NXPH1: variants seen among roughly 807,000 people sequenced by gnomAD.
The protein encoded by NXPH1 is neurexophilin-1.
Under a neutral mutation model 23.7 loss-of-function variants are expected in NXPH1, and 5 were observed. That is an observed-to-expected ratio of 0.21 (90% confidence interval 0.11 to 0.44). The LOEUF (loss-of-function observed/expected upper bound fraction) is 0.44. Ranked by LOEUF, NXPH1 falls within the 20% of genes least tolerant of loss-of-function variation. The pLI is 0.99. For synonymous variants in NXPH1, 144 were observed against 122.2 expected (o/e 1.18, Z -1.18); for missense variants, 324 against 321.6 (o/e 1.01, Z -0.06).
At chr7:8,474,050 A>G (rs914593017) in intron 2 of NXPH1, among the ~76,000 whole-genome samples, 5 of 152,150 alleles carry the variant, frequency 3.3e-5, no homozygotes, top group African/African-American at 9.7e-5. Flanking sequence ...CTCTGAATCA[A>G]AAAGCCAGTT....
At chr7:8,461,959 A>T (rs915687446) in intron 2 of NXPH1, among the ~76,000 whole-genome samples, 1 of 152,126 alleles carries the variant, frequency 6.6e-6, no homozygotes, top group Admixed American at 6.5e-5. Flanking sequence ...GTAGTATATT[A>T]TTTTTATATT....
At chr7:8,654,559 C>A (rs1820543195) in intron 2 of NXPH1, among the ~76,000 whole-genome samples, 1 of 152,166 alleles carries the variant, frequency 6.6e-6, no homozygotes, top group Non-Finnish European at 1.5e-5. Context: ...CCATCCCCAG[C>A]AGTTGGTAGA....
chr7:8,732,538 G>C (rs958466404), intron 2 of NXPH1, among the ~76,000 whole-genome samples: 3 of 152,142 alleles, frequency 2.0e-5, no homozygotes, highest in African/African-American at 4.8e-5. Context: ...TTCCTGAAAG[G>C]CATCTGTATT....
chr7:8,635,739 G>T (rs558866939), intron 2 of NXPH1, among the ~76,000 whole-genome samples: 7 of 152,128 alleles, frequency 4.6e-5, no homozygotes, highest in Non-Finnish European at 1.0e-4. Flanking sequence ...TTGTTTCTTG[G>T]AAGCATTTAC....
intron 2 of NXPH1, among the ~76,000 whole-genome samples, chr7:8,467,939 T>G (rs918435622): frequency 3.3e-5 from 5 of 152,152 alleles, no homozygotes; most frequent in African/African-American, 1.2e-4. Context: ...GTATTATTGA[T>G]TGTACTCTGT....
At chr7:8,506,505 C>T (rs1325924965) in intron 2 of NXPH1, among the ~76,000 whole-genome samples, 2 of 152,062 alleles carry the variant, frequency 1.3e-5, no homozygotes, top group Admixed American at 1.3e-4. Context: ...CCTTTGGTTG[C>T]TTACTTGCTG....
chr7:8,716,333 G>C (rs1268157520), intron 2 of NXPH1, among the ~76,000 whole-genome samples: 1 of 152,120 alleles, frequency 6.6e-6, no homozygotes, highest in African/African-American at 2.4e-5. Flanking sequence ...AAAAGTTCTA[G>C]GAAATGGAGT....
intron 2 of NXPH1, among the ~76,000 whole-genome samples, chr7:8,724,210 T>C (rs1257351608): frequency 1.3e-5 from 2 of 152,198 alleles, no homozygotes; most frequent in Admixed American, 6.5e-5. Context: ...TGTCCATCTT[T>C]TTTCAAAGAG....
At chr7:8,581,771 A>G (rs1818878373) in intron 2 of NXPH1, among the ~76,000 whole-genome samples, 1 of 152,190 alleles carries the variant, frequency 6.6e-6, no homozygotes, top group African/African-American at 2.4e-5. Flanking sequence ...AAGTAGCGAT[A>G]TTCAGCTTAT....
intron 2 of NXPH1, among the ~76,000 whole-genome samples, chr7:8,706,826 C>T (rs963844354): frequency 6.6e-6 from 1 of 152,116 alleles, no homozygotes; most frequent in African/African-American, 2.4e-5. Flanking sequence ...GAGGAGGAGT[C>T]CCTCTTAGGA....
chr7:8,583,076 A>T (rs1327547813), intron 2 of NXPH1, among the ~76,000 whole-genome samples: 1 of 152,244 alleles, frequency 6.6e-6, no homozygotes, highest in East Asian at 1.9e-4. Flanking sequence ...GGGTTGTGAC[A>T]GTGCCCAGGC....
At chr7:8,738,614 G>A (rs1780304107) in intron 2 of NXPH1, among the ~76,000 whole-genome samples, 1 of 152,282 alleles carries the variant, frequency 6.6e-6, no homozygotes, top group Non-Finnish European at 1.5e-5. Flanking sequence ...GGACCCACTT[G>A]AGGAGGCAGT....
intron 2 of NXPH1, among the ~76,000 whole-genome samples, chr7:8,721,077 T>C (rs2115206664): frequency 6.6e-6 from 1 of 152,334 alleles, no homozygotes; most frequent in Admixed American, 6.5e-5. Flanking sequence ...ATAGGTTAAA[T>C]TATGGTAATA....
intron 2 of NXPH1, among the ~76,000 whole-genome samples, chr7:8,617,651 TG>T (rs1819773660): frequency 6.6e-6 from 1 of 151,986 alleles, no homozygotes; most frequent in South Asian, 2.1e-4. Context: ...GATCAGAGGC[TG>T]GGAAAGATAG....
intron 2 of NXPH1, among the ~76,000 whole-genome samples, chr7:8,446,335 A>G (rs1018176486): frequency 6.6e-6 from 1 of 152,178 alleles, no homozygotes; most frequent in African/African-American, 2.4e-5. Flanking sequence ...GGTAACATCT[A>G]AGTACATAAT....
At chr7:8,489,100 C>A (rs1265822488) in intron 2 of NXPH1, among the ~76,000 whole-genome samples, 3 of 152,074 alleles carry the variant, frequency 2.0e-5, no homozygotes, top group Non-Finnish European at 2.9e-5. Context: ...AGATTCGTGT[C>A]CAAGAGAATT....
intron 2 of NXPH1, among the ~76,000 whole-genome samples, chr7:8,499,013 T>C (rs1296830932): frequency 2.6e-5 from 4 of 151,952 alleles, no homozygotes; most frequent in African/African-American, 9.7e-5. Context: ...CTTGAGAGAG[T>C]GTTTAACATG....
At chr7:8,485,490 G>A (rs1309366544) in intron 2 of NXPH1, among the ~76,000 whole-genome samples, 1 of 152,040 alleles carries the variant, frequency 6.6e-6, no homozygotes, top group Non-Finnish European at 1.5e-5. Flanking sequence ...GTTCCTCAGA[G>A]GAACTTCTAA....
intron 2 of NXPH1, among the ~76,000 whole-genome samples, chr7:8,500,756 A>G (rs1817417782): frequency 6.6e-6 from 1 of 152,122 alleles, no homozygotes; most frequent in Non-Finnish European, 1.5e-5. Flanking sequence ...TAATAGCAAA[A>G]TACAGATTCA....
Sources: allele counts gnomAD v4.1 joint callset (sites outside exome capture counted in the v4.1 genomes callset), GRCh38; gene constraint gnomAD v4.1.1; transcripts MANE v1.5; gene names NCBI Gene and HGNC (gene_info 2026-07-23, HGNC 2026-07-21).